Variants in GLRA2 observed in about 807,000 individuals in gnomAD.
GLRA2 encodes the protein glycine receptor subunit alpha-2.
Under a neutral mutation model 31.6 loss-of-function variants are expected in GLRA2, and 11 were observed. That is an observed-to-expected ratio of 0.35 (90% CI 0.22 to 0.58). GLRA2 has a LOEUF of 0.58. Among genes scored for constraint, GLRA2 ranks in the 20% least tolerant of loss-of-function variants. GLRA2 has a pLI of 0.84. For missense variants in GLRA2, 212 were observed against 351.8 expected (o/e 0.60, Z 3.18); for synonymous variants, 132 against 134.0 (o/e 0.99, Z 0.10).
At chrX:14,619,826 C>A (rs148623265) in intron 7 of GLRA2, among the ~76,000 whole-genome samples, 2 of 110,742 alleles carry the variant, frequency 1.8e-5, no homozygotes, top group Non-Finnish European at 3.8e-5. Context: ...GGTTCTTTAT[C>A]TGGCTTGCTC....
the GLRA2 span, among the ~76,000 whole-genome samples, chrX:14,471,148 T>C: frequency 1.8e-5 from 2 of 111,891 alleles, no homozygotes; most frequent in Non-Finnish European, 3.8e-5. Flanking sequence ...GCCAAGTATG[T>C]GTTGCTGCCA....
In GLRA2 at chrX:14,529,668, A is replaced by C. The variant is rs745630989; in HGVS notation, c.-390A>C. The stretch of plus-strand genomic sequence containing the variant: ...CTTTTTAAAAGAAAACATTTTCTAG[A>C]AAAAGGGCTTTGCTAAACAGAAAAG... On this transcript the variant is annotated 5_prime_UTR_variant, in exon 1 of 9. Transcript: ENST00000218075. 83 of 155,758 alleles carry C rather than the reference A, an allele frequency of 5.3e-4. No individual in the cohort carries two copies. The South Asian group carries it at 0.014, about 26-fold the overall frequency. The allele number at this position is 155,758 out of a possible 1,213,427, so 12.8% of individuals were successfully genotyped here.
intron 7 of GLRA2, among the ~76,000 whole-genome samples, chrX:14,671,589 G>T (rs1011453135): frequency 1.2e-4 from 13 of 111,690 alleles, no homozygotes; most frequent in Admixed American, 4.7e-4. Flanking sequence ...TCCTTCCATG[G>T]TTGAGGACTG....
the GLRA2 span, among the ~76,000 whole-genome samples, chrX:14,517,766 C>T: frequency 2.7e-5 from 3 of 110,449 alleles, no homozygotes; most frequent in Admixed American, 1.9e-4. Flanking sequence ...AAGATAAAAA[C>T]AGTAAAAACC....
intron 7 of GLRA2, among the ~76,000 whole-genome samples, chrX:14,612,003 G>T (rs1397749090): frequency 9.0e-6 from 1 of 111,728 alleles, no homozygotes; most frequent in Non-Finnish European, 1.9e-5. Context: ...GAGTTTTAAT[G>T]TACAGAAGAA....
intron 8 of GLRA2, among the ~76,000 whole-genome samples, chrX:14,726,475 A>G (rs1463383181): frequency 1.8e-5 from 2 of 112,517 alleles, no homozygotes; most frequent in Non-Finnish European, 3.8e-5. Context: ...GTGGCAGAGA[A>G]TTTTAAAGAA....
chrX:14,557,788 G>GC (rs1351552155), intron 2 of GLRA2, among the ~76,000 whole-genome samples: 1 of 110,932 alleles, frequency 9.0e-6, no homozygotes, highest in Non-Finnish European at 1.9e-5. Context: ...TACACACCCT[G>GC]CAACGCACAG....
intron 2 of GLRA2, among the ~76,000 whole-genome samples, chrX:14,546,866 A>C (rs2089488895): frequency 9.0e-6 from 1 of 111,701 alleles, no homozygotes; most frequent in Admixed American, 9.6e-5. Flanking sequence ...TATTACATAA[A>C]AATTTGGAGC....
chrX:14,674,927 C>A (rs986293567), intron 7 of GLRA2, among the ~76,000 whole-genome samples: 1 of 111,633 alleles, frequency 9.0e-6, no homozygotes, highest in Non-Finnish European at 1.9e-5. Context: ...TGTTTTTCCA[C>A]CAGTGGGCAA....
chrX:14,493,642 TATATATACATATGTAC>T, the GLRA2 span, among the ~76,000 whole-genome samples: 21 of 93,584 alleles, frequency 2.2e-4, no homozygotes, highest in African/African-American at 9.5e-4. Context: ...CATATATACA[TATATATACATATGTAC>T]ACATATATAT....
At chrX:14,576,787 G>T (rs1049816094) in intron 3 of GLRA2, among the ~76,000 whole-genome samples, 1 of 111,921 alleles carries the variant, frequency 8.9e-6, no homozygotes, top group East Asian at 2.8e-4. Context: ...CATGCTTCCT[G>T]CCAGAAAATT....
At chrX:14,686,830 TG>T (rs1452554597) in intron 7 of GLRA2, among the ~76,000 whole-genome samples, 1 of 111,644 alleles carries the variant, frequency 9.0e-6, no homozygotes, top group Non-Finnish European at 1.9e-5. Flanking sequence ...AGGTTAATAT[TG>T]TCATGTGTGA....
the GLRA2 span, among the ~76,000 whole-genome samples, chrX:14,485,886 T>C: frequency 8.9e-6 from 1 of 112,065 alleles, no homozygotes; most frequent in African/African-American, 3.2e-5. Context: ...TACTCCATGA[T>C]CTATCCCTAT....
At chrX:14,592,846 T>C (rs1279928872) in intron 4 of GLRA2, among the ~76,000 whole-genome samples, 2 of 112,507 alleles carry the variant, frequency 1.8e-5, no homozygotes, top group Non-Finnish European at 3.7e-5. Context: ...TATATACTTT[T>C]AGACAATTAC....
At chrX:14,681,945 G>C (rs781681336) in intron 7 of GLRA2, among the ~76,000 whole-genome samples, 1 of 76,094 alleles carries the variant, frequency 1.3e-5, no homozygotes, top group East Asian at 3.2e-4. Context: ...ATATATGTGT[G>C]TGTGTCTATA....
the GLRA2 span, among the ~76,000 whole-genome samples, chrX:14,494,042 C>CA: frequency 9.1e-6 from 1 of 110,288 alleles, no homozygotes; most frequent in Admixed American, 9.7e-5. Context: ...CCTACTGTCA[C>CA]AAAAAAATGT....
chrX:14,691,911 A>G (rs940090678), intron 8 of GLRA2, among the ~76,000 whole-genome samples: 2 of 112,580 alleles, frequency 1.8e-5, no homozygotes, highest in African/African-American at 6.5e-5. Context: ...AAAATATTTG[A>G]TAAATTAATC....
At chrX:14,666,306 C>T (rs759034157) in intron 7 of GLRA2, among the ~76,000 whole-genome samples, 1 of 111,797 alleles carries the variant, frequency 8.9e-6, no homozygotes, top group South Asian at 3.7e-4. Context: ...ATCCAAAATT[C>T]CATGGAAATA....
At chrX:14,562,165 C>A (rs897360750) in intron 2 of GLRA2, among the ~76,000 whole-genome samples, 1 of 112,353 alleles carries the variant, frequency 8.9e-6, no homozygotes, top group Non-Finnish European at 1.9e-5. Context: ...ATCAACAAAA[C>A]GGCACAGTAG....
Sources: gnomAD v4.1 joint callset for allele counts (sites outside exome capture counted in the v4.1 genomes callset) on GRCh38, gnomAD v4.1.1 for gene constraint, MANE v1.5 for transcripts, NCBI Gene and HGNC (gene_info 2026-07-23, HGNC 2026-07-21) for gene names.